Variants in ATP8A2 observed in about 807,000 individuals in gnomAD.
ATP8A2 encodes the protein ATPase phospholipid transporting 8A2.
In ATP8A2, 100 loss-of-function variants were observed where a neutral mutation model predicts 165.6. The observed-to-expected ratio is 0.60, with a 90% CI of 0.51 to 0.71. ATP8A2 has a LOEUF of 0.71. Ranked by LOEUF, ATP8A2 falls within the 30% of genes least tolerant of loss-of-function variation. ATP8A2 has a pLI of 0.00. For missense variants in ATP8A2, 1,227 were observed against 1,479.5 expected (o/e 0.83, Z 2.80); for synonymous variants, 543 against 548.8 (o/e 0.99, Z 0.15).
intron 30 of ATP8A2, among the ~76,000 whole-genome samples, chr13:25,858,703 C>T (rs767960641): frequency 3.4e-4 from 51 of 152,166 alleles, no homozygotes; most frequent in Non-Finnish European, 1.9e-4. Flanking sequence ...ATAGCAGCTA[C>T]TGGTTGGAAA....
intron 33 of ATP8A2, among the ~76,000 whole-genome samples, chr13:25,919,227 T>G (rs952479928): frequency 6.6e-6 from 1 of 152,200 alleles, no homozygotes; most frequent in African/African-American, 2.4e-5. Context: ...GACTCAGACC[T>G]GAGGGAAGAC....
At chr13:25,830,123 C>T (rs1338683565) in intron 28 of ATP8A2, among the ~76,000 whole-genome samples, 2 of 151,806 alleles carry the variant, frequency 1.3e-5, no homozygotes, top group African/African-American at 4.8e-5. Flanking sequence ...ATCCTCCCAC[C>T]TCAGCCTCCT....
At chr13:25,795,414 T>A (rs1950480939) in intron 27 of ATP8A2, among the ~76,000 whole-genome samples, 1 of 152,254 alleles carries the variant, frequency 6.6e-6, no homozygotes, top group Non-Finnish European at 1.5e-5. Context: ...TTTGGTCGAT[T>A]TCTTTTCCAT....
intron 25 of ATP8A2, 125 bp downstream of exon 25, chr13:25,699,470 A>C (rs564426502): frequency 1.4e-6 from 1 of 728,450 alleles, no homozygotes; most frequent in African/African-American, 1.8e-5. Context: ...GCAAAACAAA[A>C]ATACAAATTT....
At chr13:25,454,901 G>A (rs988651026) in intron 1 of ATP8A2, among the ~76,000 whole-genome samples, 1 of 152,176 alleles carries the variant, frequency 6.6e-6, no homozygotes, top group East Asian at 1.9e-4. Context: ...CAGCCTCGCC[G>A]ACAGAGTGAG....
chr13:25,386,814 G>A (rs1472683056), intron 1 of ATP8A2, among the ~76,000 whole-genome samples: 3 of 152,184 alleles, frequency 2.0e-5, no homozygotes, highest in Admixed American at 6.5e-5. Flanking sequence ...TGGCTAACAC[G>A]GTGAAACCCC....
At chr13:25,698,028 C>T (rs1053612062) in intron 24 of ATP8A2, among the ~76,000 whole-genome samples, 1 of 152,162 alleles carries the variant, frequency 6.6e-6, no homozygotes, top group African/African-American at 2.4e-5. Context: ...TTTAAGATTG[C>T]AATTTACCTT....
chr13:25,610,477 C>G (rs1481429663), intron 24 of ATP8A2, among the ~76,000 whole-genome samples: 2 of 151,940 alleles, frequency 1.3e-5, no homozygotes, highest in Admixed American at 1.3e-4. Flanking sequence ...GGTCTATGTG[C>G]CTATTTTTAT....
intron 35 of ATP8A2, among the ~76,000 whole-genome samples, chr13:25,993,297 T>C (rs1378950409): frequency 1.3e-5 from 2 of 152,192 alleles, no homozygotes; most frequent in Admixed American, 6.5e-5. Context: ...AATATCATAC[T>C]GAATGGGCAA....
chr13:25,838,280 A>G (rs1181501049), intron 29 of ATP8A2, among the ~76,000 whole-genome samples: 2 of 152,144 alleles, frequency 1.3e-5, no homozygotes, highest in Non-Finnish European at 2.9e-5. Context: ...CGTCCCTTAC[A>G]GCTGCTTTTT....
At chr13:25,637,305 C>T (rs574837465) in intron 24 of ATP8A2, among the ~76,000 whole-genome samples, 17 of 152,068 alleles carry the variant, frequency 1.1e-4, no homozygotes, top group Admixed American at 2.6e-4. Flanking sequence ...TGAAGCAGGG[C>T]GAGGCATCAC....
At chr13:26,007,492 AGTTCTGTGATCTT>A (rs1304644155) in intron 35 of ATP8A2, among the ~76,000 whole-genome samples, 1 of 152,226 alleles carries the variant, frequency 6.6e-6, no homozygotes, top group African/African-American at 2.4e-5. Flanking sequence ...TGCAAAGAAT[AGTTCTGTGATCTT>A]GTTCTGTAGA....
chr13:25,411,438 A>G (rs1358474000), intron 1 of ATP8A2, among the ~76,000 whole-genome samples: 1 of 152,236 alleles, frequency 6.6e-6, no homozygotes, highest in Non-Finnish European at 1.5e-5. Context: ...TAGCTTTCTC[A>G]GAGCCTTAAT....
intron 30 of ATP8A2, among the ~76,000 whole-genome samples, chr13:25,840,563 T>C (rs1023522125): frequency 1.1e-4 from 16 of 152,218 alleles, no homozygotes; most frequent in Non-Finnish European, 1.8e-4. Context: ...GGTTCATAAG[T>C]CTTTAAATCA....
At chr13:25,551,750 T>G (rs1014468869) in intron 11 of ATP8A2, among the ~76,000 whole-genome samples, 5 of 152,160 alleles carry the variant, frequency 3.3e-5, no homozygotes, top group African/African-American at 1.2e-4. Flanking sequence ...TTCTTAGTGG[T>G]TGCCCTAGGA....
chr13:25,421,923 T>A (rs918317458), intron 1 of ATP8A2, among the ~76,000 whole-genome samples: 1 of 152,236 alleles, frequency 6.6e-6, no homozygotes, highest in Non-Finnish European at 1.5e-5. Flanking sequence ...TTCCTTTTTT[T>A]GCTTCTCTTA....
chr13:25,705,655 C>G (rs546324681), intron 25 of ATP8A2, among the ~76,000 whole-genome samples: 1 of 152,252 alleles, frequency 6.6e-6, no homozygotes, highest in African/African-American at 2.4e-5. Flanking sequence ...GTTTATTTTT[C>G]TAACTGTAAG....
At chr13:25,581,540 G>T (rs2039777473) in intron 22 of ATP8A2, among the ~76,000 whole-genome samples, 1 of 152,110 alleles carries the variant, frequency 6.6e-6, no homozygotes. Flanking sequence ...GGGATAACCT[G>T]CCCATCTGCT....
Position 25,532,274 on chromosome 13 carries a change from G to C in ATP8A2, c.423G>C (p.Lys141Asn). 1 of 1,609,046 alleles carries C rather than the reference G, an allele frequency of 6.2e-7. No individual in the cohort carries two copies. Residue 141 changes from lysine to asparagine, a missense_variant and splice_region_variant, in exon 5 of 37, where the codon AAG (lysine) becomes AAC (asparagine). Lys to Asn is a moderately conservative substitution (Grantham distance 94, BLOSUM62 0). Transcript: ENST00000381655. ...TATTTTTTTTCTTTCTGTAACAGAA[G>C]CGACACAAGGCAGACAATGCAGTTA... ...AGIKEIVEDF[K>N]RHKADNAVNK...
Sources: gnomAD v4.1 joint callset for allele counts (sites outside exome capture counted in the v4.1 genomes callset) on GRCh38, gnomAD v4.1.1 for gene constraint, MANE v1.5 for transcripts, NCBI Gene and HGNC (gene_info 2026-07-23, HGNC 2026-07-21) for gene names.